PARD3: variants seen among roughly 807,000 people sequenced by gnomAD.
PARD3 encodes partitioning defective 3 homolog.
In PARD3, 75 loss-of-function variants were observed where a neutral mutation model predicts 155.4. The observed-to-expected ratio is 0.48, with a 90% CI of 0.40 to 0.58. PARD3 has a LOEUF of 0.58. PARD3 is among the 20% of genes least tolerant of loss of function. The pLI, the probability that PARD3 is intolerant of heterozygous loss-of-function variation, is 0.00. For missense variants in PARD3, 1,642 were observed against 1,721.7 expected (o/e 0.95, Z 0.82); for synonymous variants, 576 against 610.5 (o/e 0.94, Z 0.83).
chr10:34,813,860 A>G (rs1015427778), intron 1 of PARD3, among the ~76,000 whole-genome samples: 3 of 152,228 alleles, frequency 2.0e-5, no homozygotes, highest in African/African-American at 7.2e-5. Flanking sequence ...AGAGGACTCT[A>G]CTACAAAGGA....
At chr10:34,749,522 A>G (rs1297383831) in intron 1 of PARD3, among the ~76,000 whole-genome samples, 1 of 151,834 alleles carries the variant, frequency 6.6e-6, no homozygotes, top group Non-Finnish European at 1.5e-5. Flanking sequence ...AAAAAACATA[A>G]TAAGAAAAAA....
intron 19 of PARD3, among the ~76,000 whole-genome samples, chr10:34,322,866 C>T (rs982784511): frequency 2.0e-5 from 3 of 152,108 alleles, no homozygotes; most frequent in African/African-American, 4.8e-5. Context: ...GTAATAGGAA[C>T]ACAGATACTT....
intron 5 of PARD3, among the ~76,000 whole-genome samples, chr10:34,443,215 C>T (rs1275313120): frequency 6.6e-6 from 1 of 152,150 alleles, no homozygotes. Flanking sequence ...AAAACTGCCT[C>T]CATAAAACCT....
chr10:34,624,759 C>T (rs2091894495), intron 2 of PARD3, among the ~76,000 whole-genome samples: 1 of 152,240 alleles, frequency 6.6e-6, no homozygotes, highest in Non-Finnish European at 1.5e-5. Context: ...AGCTGCTCAG[C>T]CCGCTCTGAT....
intron 5 of PARD3, among the ~76,000 whole-genome samples, chr10:34,403,580 C>G: frequency 6.6e-6 from 1 of 152,188 alleles, no homozygotes; most frequent in East Asian, 1.9e-4. Flanking sequence ...GGGCACCAAA[C>G]TTTTCTGTGA....
chr10:34,526,937 A>G (rs2082528806), intron 2 of PARD3, among the ~76,000 whole-genome samples: 1 of 152,172 alleles, frequency 6.6e-6, no homozygotes. Context: ...TCCATTGTTG[A>G]ACTTGTAAAA....
intron 1 of PARD3, among the ~76,000 whole-genome samples, chr10:34,798,263 A>G (rs1842495053): frequency 6.6e-6 from 1 of 152,070 alleles, no homozygotes; most frequent in Non-Finnish European, 1.5e-5. Flanking sequence ...CAGCAGTTTG[A>G]AGCTGCAGTG....
intron 20 of PARD3, 85 bp downstream of exon 20, chr10:34,317,022 A>C: frequency 7.8e-7 from 1 of 1,288,062 alleles, no homozygotes; most frequent in Non-Finnish European, 1.1e-6. Context: ...GGTGTGCACT[A>C]CCGTGTCCAG....
At chr10:34,137,552 T>C (rs1022160523) in intron 22 of PARD3, among the ~76,000 whole-genome samples, 7 of 152,270 alleles carry the variant, frequency 4.6e-5, no homozygotes, top group Non-Finnish European at 1.5e-5. Flanking sequence ...TTACTTTGTT[T>C]TGTAGCAAAA....
At chr10:34,632,626 T>A (rs528578421) in intron 2 of PARD3, among the ~76,000 whole-genome samples, 3 of 152,210 alleles carry the variant, frequency 2.0e-5, no homozygotes, top group Non-Finnish European at 4.4e-5. Context: ...GAAATGCTGC[T>A]TTTGAGAGAA....
At chr10:34,250,926 T>C (rs541489577) in intron 22 of PARD3, among the ~76,000 whole-genome samples, 2 of 152,314 alleles carry the variant, frequency 1.3e-5, no homozygotes, top group South Asian at 2.1e-4. Flanking sequence ...ATTACCCAGG[T>C]TGCATCACAA....
At chr10:34,630,702 C>T (rs1029176673) in intron 2 of PARD3, among the ~76,000 whole-genome samples, 1 of 152,112 alleles carries the variant, frequency 6.6e-6, no homozygotes, top group African/African-American at 2.4e-5. Context: ...CCTTGGCCTC[C>T]CAAAGTGCTG....
At chr10:34,625,872 T>C (rs918959065) in intron 2 of PARD3, among the ~76,000 whole-genome samples, 91 of 152,172 alleles carry the variant, frequency 6.0e-4, no homozygotes, top group African/African-American at 2.1e-3. Flanking sequence ...GATCACACCA[T>C]TGCACTCCAG....
At chr10:34,304,612 C>T (rs950532686) in intron 20 of PARD3, among the ~76,000 whole-genome samples, 7 of 152,094 alleles carry the variant, frequency 4.6e-5, no homozygotes, top group Admixed American at 6.5e-5. Flanking sequence ...GTTAGGAACA[C>T]GGCCTTTGAG....
intron 2 of PARD3, among the ~76,000 whole-genome samples, chr10:34,662,220 G>A (rs2093342642): frequency 6.6e-6 from 1 of 152,124 alleles, no homozygotes; most frequent in East Asian, 1.9e-4. Flanking sequence ...TCTCACCACA[G>A]TTAAAATGGC....
At chr10:34,468,882 A>G in intron 4 of PARD3, among the ~76,000 whole-genome samples, 1 of 152,222 alleles carries the variant, frequency 6.6e-6, no homozygotes, top group South Asian at 2.1e-4. Context: ...GCAAATATCA[A>G]GCTACATCTT....
At chr10:34,417,850 T>TG (rs1845819492) in intron 5 of PARD3, among the ~76,000 whole-genome samples, 8 of 152,218 alleles carry the variant, frequency 5.3e-5, no homozygotes, top group Admixed American at 4.6e-4. Context: ...AAATGACCAA[T>TG]GACCCATCCA....
intron 2 of PARD3, among the ~76,000 whole-genome samples, chr10:34,640,872 TG>T (rs906269145): frequency 6.6e-6 from 1 of 152,004 alleles, no homozygotes; most frequent in East Asian, 1.9e-4. Context: ...TTGTGTTTTA[TG>T]GGGGAAAAAA....
intron 24 of PARD3, among the ~76,000 whole-genome samples, chr10:34,116,121 A>G (rs1946658544): frequency 6.6e-6 from 1 of 152,218 alleles, no homozygotes; most frequent in African/African-American, 2.4e-5. Context: ...TTTCCTGCCA[A>G]CTAGTGTTAC....
Sources: gnomAD v4.1 joint callset for allele counts (sites outside exome capture counted in the v4.1 genomes callset) on GRCh38, gnomAD v4.1.1 for gene constraint, MANE v1.5 for transcripts, NCBI Gene and HGNC (gene_info 2026-07-23, HGNC 2026-07-21) for gene names.